The following SLC4A4 variants were observed in gnomAD, a reference collection of about 807,000 sequenced individuals.
The protein encoded by SLC4A4 is electrogenic sodium bicarbonate cotransporter 1.
In SLC4A4, 27 loss-of-function variants were observed where a neutral mutation model predicts 111.5. The observed-to-expected ratio is 0.24, with a 90% CI of 0.18 to 0.33. The LOEUF (loss-of-function observed/expected upper bound fraction) is 0.33. Ranked by LOEUF, SLC4A4 falls within the 10% of genes least tolerant of loss-of-function variation. SLC4A4 has a pLI of 1.00. For synonymous variants in SLC4A4, 443 were observed against 463.4 expected (o/e 0.96, Z 0.57); for missense variants, 909 against 1,315.5 (o/e 0.69, Z 4.78).
intron 18 of SLC4A4, among the ~76,000 whole-genome samples, chr4:71,534,594 A>C (rs929725377): frequency 2.6e-5 from 4 of 152,136 alleles, no homozygotes; most frequent in Non-Finnish European, 5.9e-5. Context: ...CTGAAAAAAA[A>C]AAAAGGTTTC....
intron 1 of SLC4A4, among the ~76,000 whole-genome samples, chr4:71,193,292 T>C (rs1056942344): frequency 1.3e-5 from 2 of 152,158 alleles, no homozygotes; most frequent in East Asian, 1.9e-4. Flanking sequence ...CCCGAGTAGC[T>C]GGGACTACAG....
intron 3 of SLC4A4, among the ~76,000 whole-genome samples, chr4:71,309,246 G>A (rs1369790115): frequency 3.3e-5 from 5 of 152,174 alleles, no homozygotes; most frequent in Non-Finnish European, 7.3e-5. Context: ...ATCTCCCTAG[G>A]GCAGAGCACC....
At chr4:71,458,850 T>G (rs1726537008) in intron 12 of SLC4A4, among the ~76,000 whole-genome samples, 1 of 152,030 alleles carries the variant, frequency 6.6e-6, no homozygotes, top group Non-Finnish European at 1.5e-5. Context: ...TAGCTGAGTG[T>G]TGTACTTTGG....
intron 2 of SLC4A4, among the ~76,000 whole-genome samples, chr4:71,128,991 G>C (rs186319762): frequency 6.6e-6 from 1 of 152,102 alleles, no homozygotes; most frequent in African/African-American, 2.4e-5. Flanking sequence ...TTAAATGTAA[G>C]GCCTAAAACT....
intron 6 of SLC4A4, among the ~76,000 whole-genome samples, chr4:71,371,013 C>T (rs1035939258): frequency 6.6e-6 from 1 of 152,102 alleles, no homozygotes; most frequent in Non-Finnish European, 1.5e-5. Flanking sequence ...ATCACCTTCC[C>T]TAGGGCTTCT....
chr4:71,125,374 G>A (rs1393901145), intron 2 of SLC4A4, among the ~76,000 whole-genome samples: 1 of 152,160 alleles, frequency 6.6e-6, no homozygotes, highest in Non-Finnish European at 1.5e-5. Context: ...GGACTTGGAG[G>A]CCAGCCTGGC....
chr4:71,304,100 T>G (rs1725492205), intron 3 of SLC4A4, among the ~76,000 whole-genome samples: 1 of 152,194 alleles, frequency 6.6e-6, no homozygotes, highest in Non-Finnish European at 1.5e-5. Flanking sequence ...AATTCTTCCT[T>G]TACTGGGTAG....
At chr4:71,490,067 T>G (rs1729762168) in intron 15 of SLC4A4, among the ~76,000 whole-genome samples, 1 of 151,874 alleles carries the variant, frequency 6.6e-6, no homozygotes, top group African/African-American at 2.4e-5. Flanking sequence ...TCTTTATTTC[T>G]TCTCACTTTC....
In SLC4A4 at chr4:71,316,198, T is replaced by G. The variant is rs555277430; in HGVS notation, c.254-23172T>G. Among the ~76,000 whole-genome samples the G allele has an allele frequency of 2.0e-5, 3 of 152,264 alleles. No individual in the cohort carries two copies. In the East Asian group the frequency reaches 5.8e-4, roughly 29 times the overall value. On this transcript the variant is annotated intron_variant, in intron 3 of 25. Transcript: ENST00000264485. ...TTTCAACTGAACTGTGGCAGCAAAATAAATGTTTGCAGATTGTTTTGACAA... is the reference window on the plus strand; with the variant it reads ...TTTCAACTGAACTGTGGCAGCAAAAGAAATGTTTGCAGATTGTTTTGACAA...
chr4:71,133,933 T>C (rs932569086), intron 2 of SLC4A4, among the ~76,000 whole-genome samples: 1 of 152,242 alleles, frequency 6.6e-6, no homozygotes, highest in East Asian at 1.9e-4. Flanking sequence ...GGCACAACCA[T>C]TGATTTCCCC....
At chr4:71,447,829 G>T (rs1725373043) in intron 9 of SLC4A4, 96 bp downstream of exon 9, 1 of 817,260 alleles carries the variant, frequency 1.2e-6, no homozygotes, top group South Asian at 1.4e-5. Flanking sequence ...AGAATTATGT[G>T]GTTACTAGAC....
At chr4:71,490,614 G>T (rs1729812662) in intron 15 of SLC4A4, among the ~76,000 whole-genome samples, 1 of 151,760 alleles carries the variant, frequency 6.6e-6, no homozygotes, top group South Asian at 2.1e-4. Context: ...CTGCTTCTCT[G>T]CCTCCCATCT....
chr4:71,481,227 C>G (rs1728851026), intron 14 of SLC4A4, among the ~76,000 whole-genome samples: 1 of 151,672 alleles, frequency 6.6e-6, no homozygotes, highest in African/African-American at 2.4e-5. Context: ...TCTAGTACCC[C>G]CTTCTCCACA....
chr4:71,406,655 T>TG (rs1252517539), intron 7 of SLC4A4, among the ~76,000 whole-genome samples: 1 of 151,674 alleles, frequency 6.6e-6, no homozygotes, highest in Non-Finnish European at 1.5e-5. Flanking sequence ...CTTTTTTTTT[T>TG]TTTTTTGCCA....
intron 6 of SLC4A4, among the ~76,000 whole-genome samples, chr4:71,374,385 A>G (rs186007540): frequency 1.3e-4 from 20 of 152,330 alleles, no homozygotes; most frequent in Middle Eastern, 3.4e-3. Context: ...ACAATTTTCA[A>G]AAGATTGTAA....
At chr4:71,401,499 T>A (rs1049548590) in intron 7 of SLC4A4, among the ~76,000 whole-genome samples, 71 of 152,320 alleles carry the variant, frequency 4.7e-4, no homozygotes, top group Admixed American at 1.3e-3. Context: ...TCTATTTTGT[T>A]GCTATGGAGT....
intron 3 of SLC4A4, among the ~76,000 whole-genome samples, chr4:71,278,790 A>AT (rs1723274688): frequency 6.6e-6 from 1 of 151,978 alleles, no homozygotes; most frequent in Non-Finnish European, 1.5e-5. Context: ...AAAAAATGAG[A>AT]TTGTCATTAT....
intron 16 of SLC4A4, among the ~76,000 whole-genome samples, chr4:71,505,394 T>C (rs759595679): frequency 2.0e-5 from 3 of 152,006 alleles, no homozygotes; most frequent in Non-Finnish European, 1.5e-5. Flanking sequence ...CCATTCTGAC[T>C]GGTGTGAGAG....
In SLC4A4 at chr4:71,134,297, C is replaced by T. The variant is rs543323437; in HGVS notation, c.-2+41505C>T. ...GGGCCAGGGGTATATTCTCCCATGT[C>T]ACTGCTGGCCTGTTCAGTTTTTGTA... On this transcript the variant is annotated intron_variant, in intron 2 of 26. Transcript: ENST00000649996. Among the ~76,000 whole-genome samples the T allele has an allele frequency of 1.3e-3, 201 of 152,288 alleles. 1 individual carries two copies. Among genetic ancestry groups the T allele is most frequent in the African/African-American group, 4.7e-3 (196 of 41,570 alleles).
Sources: allele counts gnomAD v4.1 joint callset (sites outside exome capture counted in the v4.1 genomes callset), GRCh38; gene constraint gnomAD v4.1.1; transcripts MANE v1.5; gene names NCBI Gene and HGNC (gene_info 2026-07-23, HGNC 2026-07-21).